Variants in MYO18B observed in about 807,000 individuals in gnomAD.
MYO18B encodes the protein unconventional myosin-XVIIIb.
In MYO18B, 204 loss-of-function variants were observed where a neutral mutation model predicts 273.0. The ratio of observed to expected loss-of-function variants is 0.75; its 90% confidence interval spans 0.67 to 0.84. The LOEUF (loss-of-function observed/expected upper bound fraction) is 0.84. Ranked by LOEUF, MYO18B falls within the 40% of genes least tolerant of loss-of-function variation. MYO18B has a pLI of 0.00. For missense variants in MYO18B, 3,212 were observed against 3,287.6 expected (o/e 0.98, Z 0.56); for synonymous variants, 1,330 against 1,305.7 (o/e 1.02, Z -0.40).
chr22:25,814,137 T>C (rs906975965), intron 12 of MYO18B, among the ~76,000 whole-genome samples: 1 of 152,022 alleles, frequency 6.6e-6, no homozygotes, highest in Non-Finnish European at 1.5e-5. Context: ...GTGAGGAGAT[T>C]AGGACACCTG....
chr22:25,754,291 T>G (rs955026840), intron 1 of MYO18B, among the ~76,000 whole-genome samples: 1 of 151,802 alleles, frequency 6.6e-6, no homozygotes, highest in Non-Finnish European at 1.5e-5. Flanking sequence ...GTTCTTGAGG[T>G]GAGAATGTGC....
At chr22:26,001,468 G>A (rs1170226778) in intron 40 of MYO18B, among the ~76,000 whole-genome samples, 2 of 152,198 alleles carry the variant, frequency 1.3e-5, no homozygotes, top group African/African-American at 2.4e-5. Context: ...CTGATAGGAG[G>A]AGCTCTGGCC....
chr22:25,955,687 A>G (rs1419267031), intron 39 of MYO18B, among the ~76,000 whole-genome samples: 3 of 152,202 alleles, frequency 2.0e-5, no homozygotes, highest in Non-Finnish European at 4.4e-5. Flanking sequence ...CTCATACAAA[A>G]GAGGAAAAAA....
chr22:25,851,481 C>T lies in MYO18B; in HGVS notation c.3787C>T (p.His1263Tyr), dbSNP rs745925021. ...TCCTACCTCCCTAGGCTATGCTGAC[C>T]ACATGGGGCTCACTCGCTTCCGCCG... ...LRLHRTGYAD[H>Y]MGLTRFRRQF... The change falls in exon 21 of 44, where the codon CAC becomes TAC. Residue 1263 changes from histidine (H) to tyrosine (Y), a missense_variant. Coordinates refer to ENST00000335473, the MANE Select transcript of MYO18B (RefSeq NM_032608.7). The T allele has an allele frequency of 4.5e-6, 7 of 1,555,636 alleles. No homozygotes were observed. The Admixed American group carries it at 1.2e-4, about 26-fold the overall frequency.
At chr22:25,972,511 C>T (rs906875516) in intron 39 of MYO18B, among the ~76,000 whole-genome samples, 2 of 152,204 alleles carry the variant, frequency 1.3e-5, no homozygotes, top group East Asian at 1.9e-4. Flanking sequence ...AATGTAGAGT[C>T]TCAGGCTCAG....
intron 33 of MYO18B, among the ~76,000 whole-genome samples, chr22:25,915,515 A>G (rs1287996066): frequency 6.6e-6 from 1 of 152,176 alleles, no homozygotes; most frequent in African/African-American, 2.4e-5. Flanking sequence ...AGCTTATGGG[A>G]CCACCGTTGT....
At chr22:25,958,061 C>T (rs762985422) in intron 39 of MYO18B, among the ~76,000 whole-genome samples, 9 of 151,920 alleles carry the variant, frequency 5.9e-5, no homozygotes, top group African/African-American at 9.7e-5. Context: ...ACTACAGATG[C>T]GCGCCACCAT....
intron 39 of MYO18B, among the ~76,000 whole-genome samples, chr22:25,956,557 G>C (rs2092854948): frequency 6.6e-6 from 1 of 152,152 alleles, no homozygotes; most frequent in Non-Finnish European, 1.5e-5. Flanking sequence ...TAATGGGAAG[G>C]TTTCTCCATC....
At chr22:25,780,590 CAAAAAAAAAAAAAAAAAAAA>C (rs59082074) in intron 9 of MYO18B, among the ~76,000 whole-genome samples, 2 of 65,218 alleles carry the variant, frequency 3.1e-5, no homozygotes, top group African/African-American at 1.3e-4. Context: ...AACTCCATCT[CAAAAAAAAAAAAAAAAAAAA>C]AAAAAAAAAA....
intron 21 of MYO18B, among the ~76,000 whole-genome samples, chr22:25,854,299 C>A (rs2090506874): frequency 6.6e-6 from 1 of 152,140 alleles, no homozygotes. Flanking sequence ...CATAAACTCT[C>A]ATTATAAAAT....
At chr22:25,908,275 G>C (rs1286224000) in intron 31 of MYO18B, 47 bp from the exon 32 acceptor site, 1 of 1,435,558 alleles carries the variant, frequency 7.0e-7, no homozygotes, top group Admixed American at 2.0e-5. Context: ...AGGGCTTGGA[G>C]AGTTAGAGTG....
At position 26,002,182 on chromosome 22, in the gene MYO18B, A is replaced by G. The variant is rs189887158; in HGVS notation, c.6288-1083A>G. On this transcript the variant is annotated intron_variant, in intron 40 of 43. Transcript: ENST00000335473. ...TAGATAGTAAATATTTAGCCTTTTC[A>G]TGCCATGTTGTCTTTGTTGCACTAC... 6.6e-4 allele frequency among the ~76,000 whole-genome samples: 100 copies of G among 152,308 alleles called. 2 individuals are homozygous for G. The highest frequency in any genetic ancestry group is 1.1e-3 in the Non-Finnish European group (72 of 68,020).
At chr22:25,998,478 A>G (rs893386510) in intron 40 of MYO18B, among the ~76,000 whole-genome samples, 39 of 152,214 alleles carry the variant, frequency 2.6e-4, no homozygotes, top group Admixed American at 1.6e-3. Context: ...ATGCTCTGAA[A>G]AAAGAGTCCT....
At chr22:25,893,570 C>A (rs1030156888) in intron 27 of MYO18B, among the ~76,000 whole-genome samples, 1 of 152,194 alleles carries the variant, frequency 6.6e-6, no homozygotes, top group African/African-American at 2.4e-5. Flanking sequence ...GCAGTCCATG[C>A]TGCTTGTGAT....
chr22:25,928,500 A>G (rs1451761024), intron 34 of MYO18B, among the ~76,000 whole-genome samples: 1 of 151,392 alleles, frequency 6.6e-6, no homozygotes, highest in Admixed American at 6.6e-5. Context: ...AGTTTCCCTT[A>G]GCTACAGCAT....
At chr22:25,815,203 G>T (rs1171829217) in intron 12 of MYO18B, among the ~76,000 whole-genome samples, 1 of 152,216 alleles carries the variant, frequency 6.6e-6, no homozygotes, top group Non-Finnish European at 1.5e-5. Context: ...CCCCTGCTCA[G>T]CCTGCCTTGG....
At chr22:26,046,768 C>G in the MYO18B span, among the ~76,000 whole-genome samples, 3,987 of 152,292 alleles carry the variant, frequency 0.026, 172 homozygotes, top group African/African-American at 0.091. Flanking sequence ...CAAATAAAAA[C>G]AAAATTATTA....
chr22:25,751,490 G>C (rs138910591), intron 1 of MYO18B, among the ~76,000 whole-genome samples: 14 of 152,320 alleles, frequency 9.2e-5, no homozygotes, highest in Non-Finnish European at 1.9e-4. Flanking sequence ...GCTTGGCCTG[G>C]CACCCACAGA....
At chr22:25,939,305 T>C (rs2092616556) in intron 34 of MYO18B, among the ~76,000 whole-genome samples, 1 of 152,232 alleles carries the variant, frequency 6.6e-6, no homozygotes, top group Non-Finnish European at 1.5e-5. Context: ...TTTGGCTAGA[T>C]CTAGGTACCC....
Sources: allele counts gnomAD v4.1 joint callset (sites outside exome capture counted in the v4.1 genomes callset), GRCh38; gene constraint gnomAD v4.1.1; transcripts MANE v1.5; gene names NCBI Gene and HGNC (gene_info 2026-07-23, HGNC 2026-07-21).